Variants in SBF2 observed in about 807,000 individuals in gnomAD.
SBF2 encodes myotubularin-related protein 13.
SBF2 carries 112 observed loss-of-function variants against 225.2 expected under a neutral mutation model. The observed-to-expected ratio is 0.50, with a 90% confidence interval of 0.43 to 0.58. SBF2 has a LOEUF of 0.58. Among genes scored for constraint, SBF2 ranks in the 20% least tolerant of loss-of-function variants. The pLI is 0.00. For missense variants in SBF2, 1,996 were observed against 2,206.2 expected (o/e 0.90, Z 1.91); for synonymous variants, 763 against 773.3 (o/e 0.99, Z 0.22).
At chr11:9,876,409 C>T (rs1239750731) in intron 17 of SBF2, among the ~76,000 whole-genome samples, 6 of 152,252 alleles carry the variant, frequency 3.9e-5, no homozygotes, top group East Asian at 1.9e-4. Context: ...CTCCATCCAG[C>T]GTGCCCATAT....
intron 1 of SBF2, among the ~76,000 whole-genome samples, chr11:10,244,339 T>G (rs1458710451): frequency 6.6e-6 from 1 of 152,216 alleles, no homozygotes; most frequent in Non-Finnish European, 1.5e-5. Context: ...TGCATATGGA[T>G]ATCCAGTTTT....
chr11:9,792,931 GT>G (rs1852845749), intron 33 of SBF2, among the ~76,000 whole-genome samples: 1 of 138,326 alleles, frequency 7.2e-6, no homozygotes, highest in African/African-American at 2.7e-5. Flanking sequence ...TTGTGTGTGT[GT>G]GTGTGTGTTT....
At chr11:10,245,154 T>C (rs1333297567) in intron 1 of SBF2, among the ~76,000 whole-genome samples, 1 of 110,034 alleles carries the variant, frequency 9.1e-6, no homozygotes, top group Non-Finnish European at 2.0e-5. Context: ...AAAAAAAAAA[T>C]TAAAATGGGC....
At chr11:10,150,384 A>T (rs1042623881) in intron 2 of SBF2, among the ~76,000 whole-genome samples, 1 of 152,176 alleles carries the variant, frequency 6.6e-6, no homozygotes, top group East Asian at 1.9e-4. Flanking sequence ...TTCAGGGGCG[A>T]AACACTATTT....
chr11:9,940,142 G>A (rs1336090899), intron 16 of SBF2, among the ~76,000 whole-genome samples: 9 of 152,108 alleles, frequency 5.9e-5, no homozygotes, highest in Non-Finnish European at 1.0e-4. Flanking sequence ...GGTGGCTCAC[G>A]CCTGTAATCC....
chr11:10,001,821 T>C (rs61877018), intron 7 of SBF2, among the ~76,000 whole-genome samples: 40,378 of 151,996 alleles, frequency 0.27, 5,478 homozygotes, highest in Middle Eastern at 0.31. Flanking sequence ...CCACTGCGCC[T>C]GGCCAAAAAA....
chr11:9,956,347 T>C (rs1030926345), intron 16 of SBF2, among the ~76,000 whole-genome samples: 5 of 152,198 alleles, frequency 3.3e-5, no homozygotes, highest in African/African-American at 1.2e-4. Context: ...TTATTTCTCA[T>C]ATCTTATTAA....
At chr11:10,051,326 A>G (rs1260310261) in intron 2 of SBF2, among the ~76,000 whole-genome samples, 1 of 152,162 alleles carries the variant, frequency 6.6e-6, no homozygotes, top group African/African-American at 2.4e-5. Flanking sequence ...GAGAGTTTAG[A>G]TAGTAAGACC....
intron 1 of SBF2, among the ~76,000 whole-genome samples, chr11:10,270,607 G>A (rs1565420979): frequency 6.6e-6 from 1 of 152,158 alleles, no homozygotes. Flanking sequence ...AGAGTCAACT[G>A]TATATAGAAC....
At chr11:10,081,631 G>A (rs539558940) in intron 2 of SBF2, among the ~76,000 whole-genome samples, 7 of 151,878 alleles carry the variant, frequency 4.6e-5, no homozygotes, top group South Asian at 2.1e-4. Flanking sequence ...GTGGTGACAC[G>A]CGCCTGTAGT....
chr11:9,915,878 A>G (rs1354239451), intron 16 of SBF2, among the ~76,000 whole-genome samples: 1 of 152,174 alleles, frequency 6.6e-6, no homozygotes, highest in Non-Finnish European at 1.5e-5. Flanking sequence ...AGCCTGACCA[A>G]TATGGTGAAA....
intron 1 of SBF2, among the ~76,000 whole-genome samples, chr11:10,237,439 T>C (rs1591283600): frequency 6.6e-6 from 1 of 151,432 alleles, no homozygotes; most frequent in East Asian, 1.9e-4. Flanking sequence ...CACTGAAGGC[T>C]ACCCTAGGGA....
rs775279773 is a variant in SBF2 at position 9,963,868 on chromosome 11, T to C, written c.1615A>G (p.Lys539Glu). 11 of 1,594,606 alleles carry C rather than the reference T, an allele frequency of 6.9e-6. No individual in the cohort carries two copies. Among genetic ancestry groups the C allele is most frequent in the Non-Finnish European group, 8.6e-6 (10 of 1,162,840 alleles). The part of the protein sequence containing the change: ...AGPPVVSIMD[K>E]VTTVFNSAQR... ...GCACTGTTGAAAACTGTCGTCACCT[T>C]GTCCATTATCGAAACTAGTAAAAGA... The change falls in exon 15 of 40, where the codon AAG (lysine) becomes GAG (glutamate). Residue 539 changes from lysine (K) to glutamate (E), a missense_variant. Transcript: ENST00000256190.
chr11:10,245,421 A>G (rs983499554), intron 1 of SBF2, among the ~76,000 whole-genome samples: 1 of 151,764 alleles, frequency 6.6e-6, no homozygotes, highest in Non-Finnish European at 1.5e-5. Flanking sequence ...GACCCTATCT[A>G]TAACAATTTT....
chr11:10,214,349 C>T (rs937186613), intron 1 of SBF2, among the ~76,000 whole-genome samples: 1 of 152,172 alleles, frequency 6.6e-6, no homozygotes, highest in Admixed American at 6.5e-5. Context: ...ATTGGCCGGG[C>T]GCGGTGGCTC....
chr11:10,081,157 G>C (rs971679706), intron 2 of SBF2, among the ~76,000 whole-genome samples: 1 of 151,936 alleles, frequency 6.6e-6, no homozygotes, highest in African/African-American at 2.4e-5. Flanking sequence ...CTCCAAGACA[G>C]TAACTATATT....
At position 9,993,104 on chromosome 11, in the gene SBF2, CTAAAAATA is replaced by C. The variant is rs774473807; in HGVS notation, c.1054-9_1054-2del. 6.3e-7 allele frequency: 1 copy of C among 1,596,664 alleles called. No individual in the cohort carries two copies. The highest frequency in any genetic ancestry group is 8.6e-7 in the Non-Finnish European group (1 of 1,167,058). On this transcript the variant is annotated splice_acceptor_variant and splice_polypyrimidine_tract_variant and intron_variant, in intron 10 of 39. Transcript: ENST00000256190. LOFTEE classifies it high-confidence loss of function. ...GGAAAACGGCTCGCACCTCTTTATC[CTAAAAATA>C]TAAGAAGAAATGTTAGGTAATTTAA... is the stretch of plus-strand genomic sequence containing the variant.
intron 6 of SBF2, among the ~76,000 whole-genome samples, chr11:10,022,864 A>G (rs1247282424): frequency 6.6e-6 from 1 of 152,122 alleles, no homozygotes; most frequent in Non-Finnish European, 1.5e-5. Context: ...TGGTAATTAC[A>G]TTCTCTTGGT....
intron 1 of SBF2, among the ~76,000 whole-genome samples, chr11:10,270,339 AATGTTTAT>A (rs1157739864): frequency 6.6e-6 from 1 of 152,216 alleles, no homozygotes; most frequent in Admixed American, 6.5e-5. Flanking sequence ...ACATATTGTT[AATGTTTAT>A]ATGTATTATA....
Sources: allele counts gnomAD v4.1 joint callset (sites outside exome capture counted in the v4.1 genomes callset), GRCh38; gene constraint gnomAD v4.1.1; transcripts MANE v1.5; gene names NCBI Gene and HGNC (gene_info 2026-07-23, HGNC 2026-07-21).